GNAQ: variants seen among roughly 807,000 people sequenced by gnomAD.
The protein encoded by GNAQ is guanine nucleotide-binding protein G(q) subunit alpha.
Under a neutral mutation model 43.9 loss-of-function variants are expected in GNAQ, and 8 were observed. That is an observed-to-expected ratio of 0.18 (90% CI 0.11 to 0.33). The LOEUF (loss-of-function observed/expected upper bound fraction) is 0.33. Among genes scored for constraint, GNAQ ranks in the 10% least tolerant of loss-of-function variants. The pLI, the probability that GNAQ is intolerant of heterozygous loss-of-function variation, is 1.00. For synonymous variants in GNAQ, 155 were observed against 170.7 expected, an observed-to-expected ratio of 0.91 and a Z score of 0.71; for missense variants, 158 against 450.8, an observed-to-expected ratio of 0.35 and a Z score of 5.88.
intron 2 of GNAQ, among the ~76,000 whole-genome samples, chr9:77,886,543 G>T (rs1828309546): frequency 6.6e-6 from 1 of 152,076 alleles, no homozygotes; most frequent in African/African-American, 2.4e-5. Context: ...GATTCTATTG[G>T]CTTAAAACAA....
chr9:77,866,209 G>A (rs987957023), intron 2 of GNAQ, among the ~76,000 whole-genome samples: 1 of 152,182 alleles, frequency 6.6e-6, no homozygotes, highest in African/African-American at 2.4e-5. Flanking sequence ...CGGGTGTGGT[G>A]GCTCACACCT....
chr9:77,756,579 A>G (rs1056619883), intron 5 of GNAQ, among the ~76,000 whole-genome samples: 11 of 152,204 alleles, frequency 7.2e-5, no homozygotes, highest in Admixed American at 7.2e-4. Context: ...TGCTGGCACA[A>G]TGACTTGAGA....
chr9:77,923,915 C>G (rs1430436560), intron 1 of GNAQ, among the ~76,000 whole-genome samples: 2 of 152,120 alleles, frequency 1.3e-5, no homozygotes, highest in East Asian at 3.8e-4. Flanking sequence ...GGTTGGATTT[C>G]ATTACTATCT....
At chr9:77,845,915 G>T (rs149863543) in intron 2 of GNAQ, among the ~76,000 whole-genome samples, 110 of 152,336 alleles carry the variant, frequency 7.2e-4, no homozygotes, top group African/African-American at 2.5e-3. Context: ...CTTAAAGTGG[G>T]AGTCATGTCA....
At chr9:77,795,755 C>T (rs567015366) in intron 4 of GNAQ, among the ~76,000 whole-genome samples, 8 of 152,134 alleles carry the variant, frequency 5.3e-5, no homozygotes, top group Non-Finnish European at 8.8e-5. Flanking sequence ...GTGAATAATA[C>T]GCTACTAATT....
intron 1 of GNAQ, among the ~76,000 whole-genome samples, chr9:77,957,435 C>G (rs75825666): frequency 0.054 from 8,268 of 152,160 alleles, 252 homozygotes; most frequent in Non-Finnish European, 0.056. Flanking sequence ...AGTTACAGCT[C>G]TTGCTTGCCC....
At chr9:77,898,017 G>C (rs538583528) in intron 2 of GNAQ, among the ~76,000 whole-genome samples, 2 of 149,820 alleles carry the variant, frequency 1.3e-5, no homozygotes, top group South Asian at 4.2e-4. Flanking sequence ...GAAGGGCCAA[G>C]AAAGCGGGAT....
intron 1 of GNAQ, among the ~76,000 whole-genome samples, chr9:77,968,906 G>C (rs1365724650): frequency 2.0e-5 from 3 of 152,192 alleles, no homozygotes; most frequent in Non-Finnish European, 4.4e-5. Flanking sequence ...AGAGAGTCTG[G>C]GGGAAGTGAT....
chr9:77,915,591 T>A (rs1031944659), intron 2 of GNAQ, among the ~76,000 whole-genome samples: 1 of 148,210 alleles, frequency 6.7e-6, no homozygotes, highest in African/African-American at 2.5e-5. Context: ...CATTACTATT[T>A]GTCACAGATG....
intron 1 of GNAQ, among the ~76,000 whole-genome samples, chr9:77,990,967 C>A (rs964744762): frequency 1.3e-5 from 2 of 152,122 alleles, no homozygotes; most frequent in Non-Finnish European, 2.9e-5. Flanking sequence ...TATCACAATG[C>A]CAAATAAAAT....
intron 5 of GNAQ, among the ~76,000 whole-genome samples, chr9:77,749,136 G>A (rs1328867673): frequency 6.6e-6 from 1 of 152,144 alleles, no homozygotes; most frequent in Non-Finnish European, 1.5e-5. Flanking sequence ...ACTCTTCACT[G>A]CCGCCAGGTT....
chr9:77,852,706 A>G (rs1292018464), intron 2 of GNAQ, among the ~76,000 whole-genome samples: 1 of 152,192 alleles, frequency 6.6e-6, no homozygotes, highest in Non-Finnish European at 1.5e-5. Flanking sequence ...ATGTCCTTTG[A>G]CACATATCAC....
At chr9:77,803,953 A>T (rs537121536) in intron 3 of GNAQ, among the ~76,000 whole-genome samples, 1 of 152,376 alleles carries the variant, frequency 6.6e-6, no homozygotes, top group East Asian at 1.9e-4. Context: ...ATTCAGAAAC[A>T]GGACATAATC....
intron 2 of GNAQ, among the ~76,000 whole-genome samples, chr9:77,915,039 T>G (rs898714462): frequency 6.6e-6 from 1 of 152,180 alleles, no homozygotes; most frequent in Non-Finnish European, 1.5e-5. Flanking sequence ...ATAATTTTAA[T>G]AACAGCATCA....
intron 5 of GNAQ, among the ~76,000 whole-genome samples, chr9:77,770,114 T>G (rs1338263228): frequency 6.6e-6 from 1 of 152,182 alleles, no homozygotes; most frequent in African/African-American, 2.4e-5. Flanking sequence ...GGTTTGAGAA[T>G]TTAGCATATG....
intron 1 of GNAQ, among the ~76,000 whole-genome samples, chr9:77,929,151 A>G (rs923637182): frequency 6.6e-6 from 1 of 152,232 alleles, no homozygotes; most frequent in African/African-American, 2.4e-5. Flanking sequence ...CTTGTTCAGC[A>G]AGTTACTTTG....
intron 2 of GNAQ, among the ~76,000 whole-genome samples, chr9:77,876,586 A>C (rs1251088948): frequency 6.6e-6 from 1 of 152,236 alleles, no homozygotes; most frequent in African/African-American, 2.4e-5. Flanking sequence ...GGATTGCCTT[A>C]AACCCATTGT....
rs144418309 is a variant in GNAQ at position 77,846,392 on chromosome 9, G to A, written c.322-30622C>T. ...GCTCCATTCACCTGCACACTTGCAG[G>A]GATTTGAGTTATTGTTGCCCAGCTA... On this transcript the variant is annotated intron_variant, in intron 2 of 6. Coordinates refer to ENST00000286548, the MANE Select transcript of GNAQ (RefSeq NM_002072.5). Among the ~76,000 whole-genome samples, 611 of 152,238 alleles carry A rather than the reference G, an allele frequency of 4.0e-3. 3 individuals are homozygous for A. The highest frequency in any genetic ancestry group is 0.014 in the African/African-American group (584 of 41,554).
At chr9:77,984,424 T>C (rs1027416638) in intron 1 of GNAQ, among the ~76,000 whole-genome samples, 2 of 152,092 alleles carry the variant, frequency 1.3e-5, no homozygotes, top group Non-Finnish European at 2.9e-5. Flanking sequence ...CCTCCCAAAG[T>C]GCTGGGATTA....
Sources: gnomAD v4.1 joint callset for allele counts (sites outside exome capture counted in the v4.1 genomes callset) on GRCh38, gnomAD v4.1.1 for gene constraint, MANE v1.5 for transcripts, NCBI Gene and HGNC (gene_info 2026-07-23, HGNC 2026-07-21) for gene names.